GPC6: variants seen among roughly 807,000 people sequenced by gnomAD.
GPC6 encodes the protein glypican 6.
GPC6 carries 14 observed loss-of-function variants against 55.2 expected under a neutral mutation model. That is an observed-to-expected ratio of 0.25 (90% confidence interval 0.17 to 0.40). GPC6 has a LOEUF of 0.40. GPC6 is among the 10% of genes least tolerant of loss of function. GPC6 has a pLI of 1.00. For missense variants in GPC6, 641 were observed against 708.5 expected, an observed-to-expected ratio of 0.90 and a Z score of 1.08; for synonymous variants, 278 against 259.6, an observed-to-expected ratio of 1.07 and a Z score of -0.68.
chr13:93,958,769 T>A (rs1410527049), intron 3 of GPC6, among the ~76,000 whole-genome samples: 4 of 152,214 alleles, frequency 2.6e-5, no homozygotes, highest in Non-Finnish European at 4.4e-5. Flanking sequence ...GTAAATTGTT[T>A]TGGGCACTAA....
At chr13:93,407,108 A>G (rs765713220) in intron 1 of GPC6, among the ~76,000 whole-genome samples, 1 of 152,152 alleles carries the variant, frequency 6.6e-6, no homozygotes, top group Middle Eastern at 3.2e-3. Context: ...AAGTTTCTTT[A>G]TGTGATTAAT....
At chr13:94,208,112 A>C (rs1465722241) in intron 4 of GPC6, among the ~76,000 whole-genome samples, 1 of 152,136 alleles carries the variant, frequency 6.6e-6, no homozygotes, top group Non-Finnish European at 1.5e-5. Flanking sequence ...GGTTGCATTC[A>C]TTTATTCAAT....
chr13:93,696,242 T>C (rs1195968192), intron 2 of GPC6, among the ~76,000 whole-genome samples: 1 of 152,206 alleles, frequency 6.6e-6, no homozygotes, highest in African/African-American at 2.4e-5. Flanking sequence ...ACAGAAAGCA[T>C]CATTTCCAAC....
chr13:93,717,552 A>G (rs929310830), intron 2 of GPC6, among the ~76,000 whole-genome samples: 4 of 151,642 alleles, frequency 2.6e-5, no homozygotes, highest in Non-Finnish European at 4.4e-5. Context: ...AATTCCTGGC[A>G]TCTCTTTTAT....
chr13:93,767,996 A>G (rs892613645), intron 2 of GPC6, among the ~76,000 whole-genome samples: 4 of 152,136 alleles, frequency 2.6e-5, no homozygotes, highest in Non-Finnish European at 4.4e-5. Context: ...CTAAAAAAAA[A>G]CCTAAGGGTG....
intron 2 of GPC6, among the ~76,000 whole-genome samples, chr13:93,801,517 G>T (rs1034536831): frequency 6.6e-6 from 1 of 152,104 alleles, no homozygotes; most frequent in Non-Finnish European, 1.5e-5. Context: ...GCTTTGTCCT[G>T]CTCACTCGCC....
intron 6 of GPC6, among the ~76,000 whole-genome samples, chr13:94,368,573 G>A (rs1879390434): frequency 6.6e-6 from 1 of 152,092 alleles, no homozygotes; most frequent in Non-Finnish European, 1.5e-5. Context: ...AGTGCTAAAA[G>A]CCATTATCAG....
At position 94,027,867 on chromosome 13, in the gene GPC6, C is replaced by T; in HGVS notation, c.850C>T (p.Leu284Phe). The change falls in exon 4 of 9, where the codon CTC becomes TTC. Residue 284 changes from leucine (L) to phenylalanine (F), a missense_variant. Coordinates refer to ENST00000377047, the MANE Select transcript of GPC6 (RefSeq NM_005708.5). The stretch of plus-strand genomic sequence containing the variant: ...GGGCTGCTTGGCAAATCAGGCTGAC[C>T]TCGACACAGAGTGGAATCTGTTTAT... ...MKGCLANQAD[L>F]DTEWNLFIDA... The T allele has an allele frequency of 1.2e-6, 2 of 1,613,954 alleles. No homozygotes were observed.
At chr13:93,484,308 T>C (rs886705681) in intron 1 of GPC6, among the ~76,000 whole-genome samples, 3 of 152,166 alleles carry the variant, frequency 2.0e-5, no homozygotes, top group Non-Finnish European at 4.4e-5. Flanking sequence ...CAAGAATCTA[T>C]AATTAATTGT....
At chr13:93,746,183 G>C (rs1884391922) in intron 2 of GPC6, among the ~76,000 whole-genome samples, 1 of 152,184 alleles carries the variant, frequency 6.6e-6, no homozygotes, top group African/African-American at 2.4e-5. Context: ...TAGCAAGTCA[G>C]GGTGATTCCA....
At chr13:94,063,605 G>T (rs1480276778) in intron 4 of GPC6, among the ~76,000 whole-genome samples, 1 of 152,152 alleles carries the variant, frequency 6.6e-6, no homozygotes, top group Non-Finnish European at 1.5e-5. Flanking sequence ...GGACCATGAA[G>T]TAATATATTC....
At chr13:94,241,018 T>A (rs1327459480) in intron 4 of GPC6, among the ~76,000 whole-genome samples, 3 of 152,118 alleles carry the variant, frequency 2.0e-5, no homozygotes, top group African/African-American at 7.2e-5. Flanking sequence ...TTCATACTAA[T>A]CCCCCATGGG....
At chr13:93,569,946 C>G (rs1876322985) in intron 2 of GPC6, among the ~76,000 whole-genome samples, 1 of 152,000 alleles carries the variant, frequency 6.6e-6, no homozygotes, top group South Asian at 2.1e-4. Context: ...TAAGGACTAC[C>G]CATGATATTA....
intron 1 of GPC6, among the ~76,000 whole-genome samples, chr13:93,496,218 G>A (rs1046175434): frequency 6.6e-6 from 1 of 152,180 alleles, no homozygotes; most frequent in Non-Finnish European, 1.5e-5. Flanking sequence ...GTGGGATATA[G>A]TCTCGTGGTG....
intron 3 of GPC6, among the ~76,000 whole-genome samples, chr13:93,932,249 T>C (rs1433084789): frequency 6.6e-6 from 1 of 152,148 alleles, no homozygotes; most frequent in Non-Finnish European, 1.5e-5. Context: ...TGCAGATGGA[T>C]TTTCCCAAAA....
chr13:93,238,675 T>G (rs1236408859), intron 1 of GPC6, among the ~76,000 whole-genome samples: 3 of 145,222 alleles, frequency 2.1e-5, no homozygotes, highest in African/African-American at 7.8e-5. Flanking sequence ...AATGTTCTTA[T>G]GGGGGGATGC....
intron 2 of GPC6, among the ~76,000 whole-genome samples, chr13:93,670,847 T>C (rs1026254636): frequency 6.6e-6 from 1 of 152,186 alleles, no homozygotes; most frequent in Non-Finnish European, 1.5e-5. Flanking sequence ...TTCTGGATGA[T>C]TGTGAGATCA....
intron 4 of GPC6, among the ~76,000 whole-genome samples, chr13:94,198,239 G>T (rs796725999): frequency 6.6e-5 from 10 of 152,146 alleles, no homozygotes; most frequent in Admixed American, 2.0e-4. Context: ...TAATGAAAAG[G>T]TAATAAAGAC....
At position 93,977,470 on chromosome 13, in the gene GPC6, GTGTGT is replaced by G. The variant is rs1880573315; in HGVS notation, c.712-50258_712-50254del. Reference sequence around the variant, plus strand: ...ATGATTTGCCAAGATGACAAGGGGTGTGTGTGTGTGTGTGTGTGTGTGTGTGTGTG... The same window carrying G: ...ATGATTTGCCAAGATGACAAGGGGTGGTGTGTGTGTGTGTGTGTGTGTGTG... On this transcript the variant is annotated intron_variant, in intron 3 of 8. Transcript: ENST00000377047. Among the ~76,000 whole-genome samples, 17 of 4,818 alleles carry G rather than the reference GTGTGT, an allele frequency of 3.5e-3. No homozygotes were observed. The East Asian group carries it at 0.038, about 11-fold the overall frequency. The allele number at this position is 4,818 out of a possible 152,430, so 3.2% of individuals were successfully genotyped here. A position where few individuals can be genotyped will look rare whatever the true frequency, so the allele number is the denominator to read the frequency against.
Sources: gnomAD v4.1 joint callset for allele counts (sites outside exome capture counted in the v4.1 genomes callset) on GRCh38, gnomAD v4.1.1 for gene constraint, MANE v1.5 for transcripts, NCBI Gene and HGNC (gene_info 2026-07-23, HGNC 2026-07-21) for gene names.